Variants in TTC22 observed in about 807,000 individuals in gnomAD.
TTC22 encodes the protein tetratricopeptide repeat protein 22.
A neutral mutation model predicts 48.2 loss-of-function variants in TTC22; 42 were observed. That is an observed-to-expected ratio of 0.87 (90% confidence interval 0.68 to 1.13). TTC22 has a LOEUF of 1.13. Among genes scored for constraint, TTC22 ranks in the 50% most tolerant of loss-of-function variants. The pLI is 0.00. For missense variants in TTC22, 784 were observed against 807.0 expected (o/e 0.97, Z 0.34); for synonymous variants, 345 against 365.5 (o/e 0.94, Z 0.64).
At chr1:54,787,864 TC>T (rs751915441) in intron 2 of TTC22, 38 bp from the exon 3 acceptor site, 2 of 1,549,720 alleles carry the variant, frequency 1.3e-6, no homozygotes, top group Non-Finnish European at 1.8e-6. Flanking sequence ...GTGGCACCCC[TC>T]CCGGCTGTCC....
In TTC22 at chr1:54,781,156, G is replaced by T; in HGVS notation, c.*87C>A. On this transcript the variant is annotated 3_prime_UTR_variant, in exon 7 of 7. Coordinates refer to ENST00000371276, the MANE Select transcript of TTC22 (RefSeq NM_001114108.2). Reference sequence around the variant, plus strand: ...TGGCTCCGCTCCCAGGTCAGCCTAAGGCAGGGAGTCCATCCGGACCTGGTC... The same window carrying T: ...TGGCTCCGCTCCCAGGTCAGCCTAATGCAGGGAGTCCATCCGGACCTGGTC... 1.0e-6 allele frequency: 1 copy of T among 985,962 alleles called. No individual in the cohort carries two copies. The highest frequency in any genetic ancestry group is 1.4e-6 in the Non-Finnish European group (1 of 731,974). 61.1% of individuals were successfully genotyped at this position (985,962 alleles called of 1,614,324 possible).
At chr1:54,789,190 C>T (rs996053575) in intron 1 of TTC22, among the ~76,000 whole-genome samples, 1 of 152,270 alleles carries the variant, frequency 6.6e-6, no homozygotes, top group Non-Finnish European at 1.5e-5. Context: ...TGCTTCCCCA[C>T]ACTGGGTTGC....
At chr1:54,797,139 G>T (rs1646398288) in intron 1 of TTC22, among the ~76,000 whole-genome samples, 1 of 152,174 alleles carries the variant, frequency 6.6e-6, no homozygotes, top group African/African-American at 2.4e-5. Flanking sequence ...ATAAAGACTT[G>T]CCTGTAGCCA....
chr1:54,792,541 C>T (rs752868933), intron 1 of TTC22, among the ~76,000 whole-genome samples: 1 of 152,120 alleles, frequency 6.6e-6, no homozygotes, highest in African/African-American at 2.4e-5. Flanking sequence ...TTAAGCAATT[C>T]TCCTGCCTCA....
intron 1 of TTC22, among the ~76,000 whole-genome samples, chr1:54,799,104 G>T (rs1190950776): frequency 6.6e-6 from 1 of 152,236 alleles, no homozygotes; most frequent in Middle Eastern, 3.2e-3. Flanking sequence ...CTGGAGGTTT[G>T]TGTAGGGGGC....
intron 6 of TTC22, among the ~76,000 whole-genome samples, 164 bp downstream of exon 6, chr1:54,782,161 T>C (rs1290686773): frequency 6.6e-6 from 1 of 152,252 alleles, no homozygotes; most frequent in Non-Finnish European, 1.5e-5. Flanking sequence ...TTCTAAATAC[T>C]GTACACACGT....
At chr1:54,785,151 T>C (rs995434519) in intron 5 of TTC22, 5 of 197,314 alleles carry the variant, frequency 2.5e-5, no homozygotes, top group African/African-American at 1.2e-4. Context: ...GCACGTGGTG[T>C]TGTGGGATTT....
chr1:54,786,316 C>G, intron 4 of TTC22, 172 bp from the exon 5 acceptor site: 1 of 595,932 alleles, frequency 1.7e-6, no homozygotes, highest in East Asian at 3.0e-5. Flanking sequence ...ATCACGAAGC[C>G]CCAACACCTT....
chr1:54,793,156 G>C (rs1274683297), intron 1 of TTC22: 1 of 152,198 alleles, frequency 6.6e-6, no homozygotes, highest in Admixed American at 6.5e-5. Context: ...GAGAGAGGCT[G>C]GCCAGCGTGT....
At chr1:54,785,246 A>G (rs1299138644) in intron 5 of TTC22, 1 of 221,700 alleles carries the variant, frequency 4.5e-6, no homozygotes, top group African/African-American at 2.4e-5. Flanking sequence ...AGCACCCCCT[A>G]TGTCCAAGGC....
At chr1:54,789,968 G>A (rs1328778491) in intron 1 of TTC22, among the ~76,000 whole-genome samples, 1 of 152,228 alleles carries the variant, frequency 6.6e-6, no homozygotes, top group African/African-American at 2.4e-5. Flanking sequence ...CTGGAACCCT[G>A]ATGGTAAGGA....
chr1:54,781,677 C>G lies in TTC22; in HGVS notation c.1276G>C (p.Glu426Gln). ...AGCTCGGGCAGCGTGGCACCCAGCT[C>G]CGACTCGCCCGCCTTGGCCAGGAAC... ...LVFLAKAGESELGATLPELQL... is the reference protein window; with the variant it reads ...LVFLAKAGESQLGATLPELQL... Residue 426 changes from glutamate (E) to glutamine (Q), a missense_variant, in exon 7 of 7, where the codon GAG (glutamate) becomes CAG (glutamine). Glu to Gln is a conservative substitution (Grantham distance 29). Coordinates refer to ENST00000371276, the MANE Select transcript of TTC22 (RefSeq NM_001114108.2). The G allele has an allele frequency of 2.0e-6, 3 of 1,530,808 alleles. No homozygotes were observed. Among genetic ancestry groups the G allele is most frequent in the Non-Finnish European group, 2.6e-6 (3 of 1,144,394 alleles). 94.8% of individuals were successfully genotyped at this position (1,530,808 alleles called of 1,614,324 possible). A position where few individuals can be genotyped will look rare whatever the true frequency, so the allele number is the denominator to read the frequency against.
In TTC22 at chr1:54,780,605, A is replaced by G. The variant is rs1646254562; in HGVS notation, c.*638T>C. On this transcript the variant is annotated 3_prime_UTR_variant, in exon 7 of 7. Coordinates refer to ENST00000371276, the MANE Select transcript of TTC22 (RefSeq NM_001114108.2). ...GTTCTATTGATGAGCTCTATTTCAG[A>G]GCATTTGGGAGGCCTTTTGGGCCAA... 6.6e-6 allele frequency: 1 copy of G among 151,930 alleles called. No homozygotes were observed. Among genetic ancestry groups the G allele is most frequent in the Non-Finnish European group, 1.5e-5 (1 of 68,032 alleles). 9.4% of individuals were successfully genotyped at this position (151,930 alleles called of 1,614,324 possible).
intron 1 of TTC22, among the ~76,000 whole-genome samples, chr1:54,791,854 C>A (rs1244036002): frequency 6.6e-6 from 1 of 152,098 alleles, no homozygotes; most frequent in Non-Finnish European, 1.5e-5. Context: ...TAGATTCATG[C>A]CTCCATGATC....
chr1:54,798,285 C>G (rs796177886), intron 1 of TTC22, among the ~76,000 whole-genome samples: 118 of 152,328 alleles, frequency 7.7e-4, no homozygotes, highest in African/African-American at 2.6e-3. Flanking sequence ...TTTGCATGCA[C>G]CATGCTCCTG....
intron 3 of TTC22, chr1:54,787,507 G>C: frequency 1.7e-6 from 1 of 602,334 alleles, no homozygotes; most frequent in Non-Finnish European, 3.0e-6. Context: ...GGGCAAGCCT[G>C]CAGTCACAGT....
chr1:54,784,717 A>G, intron 5 of TTC22: 2 of 1,231,088 alleles, frequency 1.6e-6, no homozygotes, highest in Non-Finnish European at 2.1e-6. Context: ...GACTGGGAGT[A>G]GATTTGCCAC....
At chr1:54,784,284 C>T (rs1646283818) in intron 5 of TTC22, among the ~76,000 whole-genome samples, 1 of 152,190 alleles carries the variant, frequency 6.6e-6, no homozygotes, top group Non-Finnish European at 1.5e-5. Context: ...GTTCCCTCCT[C>T]CTCCCATCTC....
At chr1:54,786,260 C>T (rs1646300347) in intron 4 of TTC22, 116 bp from the exon 5 acceptor site, 1 of 961,450 alleles carries the variant, frequency 1.0e-6, no homozygotes, top group Non-Finnish European at 1.6e-6. Context: ...CAACATGGTG[C>T]CCTTTACCCA....
Sources: gnomAD v4.1 joint callset for allele counts (sites outside exome capture counted in the v4.1 genomes callset) on GRCh38, gnomAD v4.1.1 for gene constraint, MANE v1.5 for transcripts, NCBI Gene and HGNC (gene_info 2026-07-23, HGNC 2026-07-21) for gene names.